CNTNAP2: variants seen among roughly 807,000 people sequenced by gnomAD.
CNTNAP2 encodes contactin associated protein 2, also known as contactin-associated protein-like 2.
A neutral mutation model predicts 155.2 loss-of-function variants in CNTNAP2; 98 were observed. The ratio of observed to expected loss-of-function variants is 0.63; its 90% CI spans 0.54 to 0.75. The LOEUF (loss-of-function observed/expected upper bound fraction) is 0.75, where lower values mean the gene tolerates loss of function less well. Among genes scored for constraint, CNTNAP2 ranks in the 30% least tolerant of loss-of-function variants. CNTNAP2 has a pLI of 0.00. For missense variants in CNTNAP2, 1,727 were observed against 1,688.1 expected, an observed-to-expected ratio of 1.02 and a Z score of -0.40; for synonymous variants, 651 against 631.2, an observed-to-expected ratio of 1.03 and a Z score of -0.47.
intron 14 of CNTNAP2, among the ~76,000 whole-genome samples, chr7:147,924,284 A>G (rs967560857): frequency 6.6e-6 from 1 of 151,716 alleles, no homozygotes; most frequent in Non-Finnish European, 1.5e-5. Context: ...GATTACAGGC[A>G]TGTACCACAA....
At chr7:146,399,180 TG>T (rs1463995340) in intron 1 of CNTNAP2, among the ~76,000 whole-genome samples, 2 of 152,196 alleles carry the variant, frequency 1.3e-5, no homozygotes, top group Non-Finnish European at 2.9e-5. Context: ...ACATAATTTT[TG>T]GGGGGTAATG....
chr7:146,815,776 ATAC>A lies in CNTNAP2; in HGVS notation c.209-23933_209-23931del, dbSNP rs1803156682. The stretch of plus-strand genomic sequence containing the variant: ...GGATATAGAGCACTTTTTTTTTATT[ATAC>A]TTTAAGTTCTAGGGTAGATGTGCAC... On this transcript the variant is annotated intron_variant, in intron 2 of 23. Transcript: ENST00000361727. Among the ~76,000 whole-genome samples the A allele has an allele frequency of 2.0e-5, 3 of 151,576 alleles. No individual in the cohort carries two copies. The East Asian group carries it at 5.8e-4, about 29-fold the overall frequency.
At chr7:147,755,717 G>A (rs1247346193) in intron 13 of CNTNAP2, among the ~76,000 whole-genome samples, 1 of 152,144 alleles carries the variant, frequency 6.6e-6, no homozygotes, top group Non-Finnish European at 1.5e-5. Flanking sequence ...GCCAGGGCCA[G>A]CTTCGTAGCC....
intron 11 of CNTNAP2, among the ~76,000 whole-genome samples, chr7:147,504,165 G>A (rs1339376937): frequency 1.1e-4 from 17 of 152,072 alleles, no homozygotes; most frequent in African/African-American, 3.9e-4. Flanking sequence ...CTGAGAAGTT[G>A]GTTTTCTATT....
At chr7:147,313,916 G>C (rs7784570) in intron 9 of CNTNAP2, among the ~76,000 whole-genome samples, 75,532 of 148,314 alleles carry the variant, frequency 0.51, 19,951 homozygotes, top group East Asian at 0.72. Flanking sequence ...TCTTCCATTT[G>C]TTTGTATCCT....
At chr7:148,112,415 G>GTATTATTATTAT (rs34816770) in intron 15 of CNTNAP2, among the ~76,000 whole-genome samples, 2,132 of 148,612 alleles carry the variant, frequency 0.014, 32 homozygotes, top group East Asian at 0.066. Context: ...CTAAATTTTA[G>GTATTATTATTAT]TATTATTATT....
intron 1 of CNTNAP2, among the ~76,000 whole-genome samples, chr7:146,454,728 G>GAGAT (rs771835038): frequency 6.6e-6 from 1 of 151,808 alleles, no homozygotes; most frequent in Non-Finnish European, 1.5e-5. Context: ...CAAAATAAGA[G>GAGAT]AGATAGATAG....
chr7:147,567,580 G>C (rs912550763), intron 12 of CNTNAP2, among the ~76,000 whole-genome samples: 5 of 151,994 alleles, frequency 3.3e-5, no homozygotes, highest in Non-Finnish European at 5.9e-5. Context: ...TGATTTGATG[G>C]GTATTTAAGA....
intron 12 of CNTNAP2, among the ~76,000 whole-genome samples, chr7:147,628,868 T>TAAAAAAAAA (rs60644349): frequency 3.4e-5 from 4 of 117,198 alleles, no homozygotes; most frequent in East Asian, 2.8e-4. Context: ...CAACAGCAGT[T>TAAAAAAAAA]AAAAAAAAAA....
chr7:148,198,859 A>C (rs1297978497), intron 18 of CNTNAP2, among the ~76,000 whole-genome samples: 1 of 152,236 alleles, frequency 6.6e-6, no homozygotes, highest in African/African-American at 2.4e-5. Context: ...TGGTGGATAC[A>C]ACTTTTGAAA....
chr7:146,291,913 A>G (rs1398570504), intron 1 of CNTNAP2, among the ~76,000 whole-genome samples: 3 of 152,200 alleles, frequency 2.0e-5, no homozygotes, highest in Non-Finnish European at 4.4e-5. Flanking sequence ...TCGTGCACAT[A>G]AAAGGAAACA....
intron 3 of CNTNAP2, among the ~76,000 whole-genome samples, chr7:146,978,259 C>T (rs1414348720): frequency 6.6e-6 from 1 of 152,160 alleles, no homozygotes; most frequent in Non-Finnish European, 1.5e-5. Context: ...GCCATTTCAG[C>T]ATCTCACTGC....
intron 8 of CNTNAP2, among the ~76,000 whole-genome samples, chr7:147,216,902 T>C (rs1027902995): frequency 2.6e-5 from 4 of 152,062 alleles, no homozygotes; most frequent in African/African-American, 9.7e-5. Flanking sequence ...GTAATTCTGA[T>C]GGATTTTTCA....
chr7:148,083,418 C>T lies in CNTNAP2; in HGVS notation c.2384-34700C>T, dbSNP rs147507769. Among the ~76,000 whole-genome samples the T allele has an allele frequency of 6.0e-4, 91 of 152,192 alleles. 1 individual carries two copies. In the Middle Eastern group the frequency reaches 0.01, roughly 17 times the overall value. Reference sequence around the variant, plus strand: ...CACATTTGTAAGGGAGAAAACGAGGCAGGAATGATGCACATTCCGAGGGTG... The same window carrying T: ...CACATTTGTAAGGGAGAAAACGAGGTAGGAATGATGCACATTCCGAGGGTG... On this transcript the variant is annotated intron_variant, in intron 15 of 23. Transcript: ENST00000361727.
Position 148,331,763 on chromosome 7 carries a change from T to TCGATGGATGGAG in CNTNAP2, c.3476-51886_3476-51885insCGATGGATGGAG, listed in dbSNP as rs1563046107. On this transcript the variant is annotated intron_variant, in intron 21 of 23. Transcript: ENST00000361727. ...TGGATGGATGGAACGGACGGATGGA[T>TCGATGGATGGAG]TGGATGGATGGAATGGACAGATGGA... 4.6e-4 allele frequency among the ~76,000 whole-genome samples: 7 copies of TCGATGGATGGAG among 15,164 alleles called. 2 individuals are homozygous for TCGATGGATGGAG. Among genetic ancestry groups the TCGATGGATGGAG allele is most frequent in the East Asian group, 2.6e-3 (2 of 762 alleles). The allele number at this position is 15,164 out of a possible 152,430, so 9.9% of individuals were successfully genotyped here.
At chr7:148,415,315 T>C in intron 23 of CNTNAP2, 102 bp from the exon 24 acceptor site, 1 of 1,186,758 alleles carries the variant, frequency 8.4e-7, no homozygotes, top group Non-Finnish European at 1.2e-6. Flanking sequence ...GTGTTTTATA[T>C]GGGAGAGGGC....
intron 9 of CNTNAP2, among the ~76,000 whole-genome samples, chr7:147,331,401 A>G (rs540201446): frequency 6.6e-6 from 1 of 152,294 alleles, no homozygotes; most frequent in African/African-American, 2.4e-5. Context: ...AGATTTCAAC[A>G]TTCCTTATGT....
At chr7:148,021,543 T>G (rs897565371) in intron 15 of CNTNAP2, among the ~76,000 whole-genome samples, 1 of 152,158 alleles carries the variant, frequency 6.6e-6, no homozygotes, top group Non-Finnish European at 1.5e-5. Context: ...AGAAAACACC[T>G]GACTTGTGGG....
At chr7:146,764,971 G>T (rs1269463855) in intron 1 of CNTNAP2, among the ~76,000 whole-genome samples, 2 of 152,012 alleles carry the variant, frequency 1.3e-5, no homozygotes, top group Admixed American at 6.6e-5. Context: ...TATTGGGAAA[G>T]AAAAGAAGTT....
Sources: gnomAD v4.1 joint callset for allele counts (sites outside exome capture counted in the v4.1 genomes callset) on GRCh38, gnomAD v4.1.1 for gene constraint, MANE v1.5 for transcripts, NCBI Gene and HGNC (gene_info 2026-07-23, HGNC 2026-07-21) for gene names.